SOCS7: variants seen among roughly 807,000 people sequenced by gnomAD.
The protein encoded by SOCS7 is NAP-4.
SOCS7 carries 18 observed loss-of-function variants against 58.9 expected under a neutral mutation model. The observed-to-expected ratio is 0.31, with a 90% CI of 0.21 to 0.45. SOCS7 has a LOEUF of 0.45. SOCS7 is among the 20% of genes least tolerant of loss of function. The pLI, the probability that SOCS7 is intolerant of heterozygous loss-of-function variation, is 1.00. For missense variants in SOCS7, 667 were observed against 837.3 expected, an observed-to-expected ratio of 0.80 and a Z score of 2.51; for synonymous variants, 388 against 364.3, an observed-to-expected ratio of 1.06 and a Z score of -0.74.
In SOCS7 at chr17:38,384,794, T is replaced by A. The variant is rs538053543; in HGVS notation, c.1681+6952T>A. Among the ~76,000 whole-genome samples, 9 of 151,958 alleles carry A rather than the reference T, an allele frequency of 5.9e-5. No individual in the cohort carries two copies. In the South Asian group the frequency reaches 1.5e-3, roughly 25 times the overall value. On this transcript the variant is annotated intron_variant, in intron 7 of 9. Coordinates refer to ENST00000612932, the MANE Select transcript of SOCS7 (RefSeq NM_014598.4). Reference sequence around the variant, plus strand: ...TTTTAGTAGAGGCAGGGTTTTACCATGTTGGTCAGGCTTGTCTTGAACTCC... The same window carrying A: ...TTTTAGTAGAGGCAGGGTTTTACCAAGTTGGTCAGGCTTGTCTTGAACTCC...
At chr17:38,361,067 T>C (rs1331624980) in intron 1 of SOCS7, among the ~76,000 whole-genome samples, 2 of 152,204 alleles carry the variant, frequency 1.3e-5, no homozygotes, top group Admixed American at 1.3e-4. Flanking sequence ...CAAGAAGTCA[T>C]GGGGAGGGCT....
chr17:38,398,269 T>A (rs914737808), intron 9 of SOCS7, among the ~76,000 whole-genome samples: 2 of 135,862 alleles, frequency 1.5e-5, no homozygotes, highest in African/African-American at 2.8e-5. Flanking sequence ...TGAGATGGAG[T>A]TTCGCTCTTG....
At chr17:38,374,847 G>A (rs773850547) in intron 6 of SOCS7, among the ~76,000 whole-genome samples, 7 of 152,258 alleles carry the variant, frequency 4.6e-5, no homozygotes, top group African/African-American at 7.2e-5. Flanking sequence ...AAGGGTCGAG[G>A]TTATTTGAGA....
chr17:38,390,396 C>G (rs891344844), intron 7 of SOCS7, among the ~76,000 whole-genome samples: 1 of 152,008 alleles, frequency 6.6e-6, no homozygotes, highest in Non-Finnish European at 1.5e-5. Context: ...TATTTTGGGT[C>G]TCTTGCATTT....
chr17:38,352,507 A>T lies in SOCS7; in HGVS notation c.455A>T (p.Gln152Leu), dbSNP rs1260731832. 2.6e-6 allele frequency: 4 copies of T among 1,543,416 alleles called. No individual in the cohort carries two copies. Among genetic ancestry groups the T allele is most frequent in the Admixed American group, 2.0e-5 (1 of 50,198 alleles). Residue 152 changes from glutamine to leucine, a missense_variant, in exon 1 of 10, where the codon CAG (glutamine) becomes CTG (leucine). Gln to Leu is a moderately radical substitution (Grantham distance 113). Transcript: ENST00000612932. This position sits in a 1 kb window ranked among gnomAD's most constrained non-coding sequence, Gnocchi z 5.5. ...TGCTGCCCGTGTCCGTGTCCTCCTC[A>T]GCCGCCCCCTCCGCAGCCCCAGCCG... ...GGCCPCPCPP[Q>L]PPPPQPQPPA...
At chr17:38,353,942 G>A (rs929545744) in intron 1 of SOCS7, among the ~76,000 whole-genome samples, 1 of 152,136 alleles carries the variant, frequency 6.6e-6, no homozygotes, top group Non-Finnish European at 1.5e-5. Context: ...ATAGCTTTGC[G>A]CTCTCTCAAA....
intron 2 of SOCS7, among the ~76,000 whole-genome samples, chr17:38,363,367 A>G (rs1312659867): frequency 6.6e-6 from 1 of 152,138 alleles, no homozygotes; most frequent in Non-Finnish European, 1.5e-5. Flanking sequence ...ACAGGGCCTC[A>G]CTTTGTCTCC....
At chr17:38,359,078 A>T (rs917806627) in intron 1 of SOCS7, among the ~76,000 whole-genome samples, 7 of 152,120 alleles carry the variant, frequency 4.6e-5, no homozygotes, top group African/African-American at 1.7e-4. Context: ...TGAGGTGTGA[A>T]CCTTTTGAAA....
intron 1 of SOCS7, among the ~76,000 whole-genome samples, chr17:38,354,276 G>T (rs2037602949): frequency 6.6e-6 from 1 of 152,216 alleles, no homozygotes; most frequent in South Asian, 2.1e-4. Context: ...ATAAACCAAA[G>T]CTAAAGAACA....
chr17:38,383,970 A>G (rs1204909152), intron 7 of SOCS7, among the ~76,000 whole-genome samples: 2 of 152,086 alleles, frequency 1.3e-5, no homozygotes, highest in African/African-American at 4.8e-5. Context: ...GGGATTTGTG[A>G]CCAGTGTCTC....
chr17:38,397,434 A>G (rs1567754452), intron 9 of SOCS7, among the ~76,000 whole-genome samples: 1 of 152,304 alleles, frequency 6.6e-6, no homozygotes, highest in East Asian at 1.9e-4. Flanking sequence ...ATCATGCCAC[A>G]CCTTTCCCAG....
chr17:38,390,716 T>A (rs1345499093), intron 7 of SOCS7, among the ~76,000 whole-genome samples: 1 of 150,216 alleles, frequency 6.7e-6, no homozygotes, highest in East Asian at 1.9e-4. Flanking sequence ...TGTCTTTTTT[T>A]TTTTTTTTGT....
intron 1 of SOCS7, among the ~76,000 whole-genome samples, chr17:38,355,720 C>G (rs907753127): frequency 2.6e-5 from 4 of 152,184 alleles, no homozygotes; most frequent in African/African-American, 7.2e-5. Context: ...ATTCCCTTTG[C>G]TATTCCCAAC....
intron 7 of SOCS7, among the ~76,000 whole-genome samples, chr17:38,389,863 G>GTGTATATATATATATATATA: frequency 0.02 from 444 of 22,108 alleles, 35 homozygotes; most frequent in Non-Finnish European, 0.026. Context: ...GTGTGTATGT[G>GTGTATATATATATATATATA]TGTACATATA....
chr17:38,395,898 A>AG lies in SOCS7; in HGVS notation c.1870dup (p.Val624GlyfsTer47). ...TTCTACTACTATGATCCTCAGGAAGAGGTATACCTGTCTCTAAAGGAAGCG... is the reference window on the plus strand; with the variant it reads ...TTCTACTACTATGATCCTCAGGAAGAGGGTATACCTGTCTCTAAAGGAAGCG... On this transcript the variant is annotated frameshift_variant, in exon 9 of 10. Transcript: ENST00000612932. LOFTEE classifies it high-confidence loss of function. 1.2e-6 allele frequency: 2 copies of AG among 1,611,952 alleles called. No homozygotes were observed. Among genetic ancestry groups the AG allele is most frequent in the Non-Finnish European group, 1.7e-6 (2 of 1,179,462 alleles).
intron 7 of SOCS7, among the ~76,000 whole-genome samples, chr17:38,393,909 A>G (rs1190090123): frequency 6.6e-6 from 1 of 152,204 alleles, no homozygotes; most frequent in Non-Finnish European, 1.5e-5. Context: ...CAAAAAACAA[A>G]CAAACAAACA....
intron 6 of SOCS7, among the ~76,000 whole-genome samples, chr17:38,370,249 C>T (rs575474734): frequency 3.2e-4 from 49 of 151,482 alleles, no homozygotes; most frequent in African/African-American, 1.1e-3. Flanking sequence ...CTGCCTGCCT[C>T]GGCTTCCCAA....
At chr17:38,393,552 G>A (rs539844447) in intron 7 of SOCS7, among the ~76,000 whole-genome samples, 3 of 152,186 alleles carry the variant, frequency 2.0e-5, no homozygotes, top group East Asian at 1.9e-4. Flanking sequence ...CAGGAGAATC[G>A]CTTGAACCTA....
chr17:38,382,208 T>G (rs1029080514), intron 7 of SOCS7, among the ~76,000 whole-genome samples: 2 of 151,690 alleles, frequency 1.3e-5, no homozygotes, highest in Non-Finnish European at 2.9e-5. Flanking sequence ...GTGGAAGGAT[T>G]GTTTGAGCCC....
Sources: gnomAD v4.1 joint callset for allele counts (sites outside exome capture counted in the v4.1 genomes callset) on GRCh38, gnomAD v4.1.1 for gene constraint, Gnocchi (gnomAD v3.1) non-coding constraint, MANE v1.5 for transcripts, NCBI Gene and HGNC (gene_info 2026-07-23, HGNC 2026-07-21) for gene names.